The following NFAT5 variants were observed in gnomAD, a reference collection of about 807,000 sequenced individuals.
NFAT5 encodes the protein nuclear factor of activated T cells 5.
NFAT5 carries 31 observed loss-of-function variants against 166.5 expected under a neutral mutation model. That is an observed-to-expected ratio of 0.19 (90% CI 0.14 to 0.25). The LOEUF (loss-of-function observed/expected upper bound fraction) is 0.25. Among genes scored for constraint, NFAT5 ranks in the 10% least tolerant of loss-of-function variants. NFAT5 has a pLI of 1.00. For missense variants in NFAT5, 1,449 were observed against 1,821.8 expected (o/e 0.80, Z 3.72); for synonymous variants, 612 against 639.7 (o/e 0.96, Z 0.65).
Position 69,653,221 on chromosome 16 carries a change from G to T in NFAT5, c.813-15G>T, listed in dbSNP as rs768141249. The T allele has an allele frequency of 1.3e-6, 2 of 1,524,518 alleles. No homozygotes were observed. Among genetic ancestry groups the T allele is most frequent in the Non-Finnish European group, 1.8e-6 (2 of 1,142,100 alleles). 94.4% of individuals were successfully genotyped at this position (1,524,518 alleles called of 1,614,324 possible). A position where few individuals can be genotyped will look rare whatever the true frequency, so the allele number is the denominator to read the frequency against. On this transcript the variant is annotated splice_polypyrimidine_tract_variant and intron_variant, in intron 4 of 14. Coordinates refer to ENST00000349945, the MANE Select transcript of NFAT5 (RefSeq NM_138713.4). ...CTTTTTGATACTTTCTCCATGTTGT[G>T]CTTTGATTTCTCAGAACATTGGAAA...
chr16:69,644,645 G>A (rs2035358301), intron 3 of NFAT5, among the ~76,000 whole-genome samples: 1 of 152,144 alleles, frequency 6.6e-6, no homozygotes, highest in African/African-American at 2.4e-5. Flanking sequence ...AATCATTACG[G>A]TTTTGATATT....
intron 2 of NFAT5, among the ~76,000 whole-genome samples, chr16:69,626,112 T>TAA (rs746935061): frequency 2.3e-5 from 3 of 128,860 alleles, no homozygotes; most frequent in African/African-American, 2.8e-5. Flanking sequence ...CCTGGCTGAT[T>TAA]AAAAAAAAAA....
chr16:69,597,224 A>G (rs2032847924), intron 2 of NFAT5, among the ~76,000 whole-genome samples: 1 of 152,174 alleles, frequency 6.6e-6, no homozygotes, highest in Admixed American at 6.5e-5. Flanking sequence ...GTAGCTATGA[A>G]AGATTCGGTA....
chr16:69,667,184 AG>A (rs2036423383), intron 7 of NFAT5, among the ~76,000 whole-genome samples: 1 of 60,088 alleles, frequency 1.7e-5, no homozygotes, highest in African/African-American at 6.9e-5. Context: ...GGGTGGGGGG[AG>A]GGGGGAGGGA....
At chr16:69,644,818 T>C in intron 3 of NFAT5, 2 of 455,246 alleles carry the variant, frequency 4.4e-6, no homozygotes, top group South Asian at 3.1e-5. Context: ...ATGTTCATAC[T>C]CTGCATTCTC....
chr16:69,672,554 T>A (rs2036665912), intron 9 of NFAT5, among the ~76,000 whole-genome samples: 1 of 152,238 alleles, frequency 6.6e-6, no homozygotes, highest in Admixed American at 6.5e-5. Context: ...TCTGTGTTCC[T>A]TGTAATACCA....
intron 3 of NFAT5, chr16:69,632,445 T>C (rs372399675): frequency 6.6e-6 from 1 of 152,298 alleles, no homozygotes; most frequent in African/African-American, 2.4e-5. Context: ...CGCAAGATCC[T>C]TAACTAGGCA....
chr16:69,635,031 T>G lies in NFAT5; in HGVS notation c.253+8503T>G, dbSNP rs928695478. ...CCTCCTTTGTTAGTAAAGTTTTTTT[T>G]TTTTTTTTTTTTTTTGTCATCCAGG... On this transcript the variant is annotated intron_variant, in intron 3 of 14. Transcript: ENST00000349945. Among the ~76,000 whole-genome samples, 19 of 147,432 alleles carry G rather than the reference T, an allele frequency of 1.3e-4. No homozygotes were observed. In the South Asian group the frequency reaches 2.0e-3, roughly 15 times the overall value.
At chr16:69,648,070 G>T (rs2035516684) in intron 4 of NFAT5, 1 of 239,192 alleles carries the variant, frequency 4.2e-6, no homozygotes, top group Non-Finnish European at 6.8e-6. Context: ...AGCTACTTGG[G>T]AGAACTGAGG....
At chr16:69,644,284 C>T (rs900943209) in intron 3 of NFAT5, among the ~76,000 whole-genome samples, 1 of 112,450 alleles carries the variant, frequency 8.9e-6, no homozygotes, top group African/African-American at 3.4e-5. Flanking sequence ...GACCCTGCCT[C>T]AAAAAAAAAA....
chr16:69,571,129 TA>T (rs56221116), intron 2 of NFAT5, among the ~76,000 whole-genome samples: 141 of 31,366 alleles, frequency 4.5e-3, no homozygotes, highest in African/African-American at 9.2e-3. Context: ...CCATCTCTAC[TA>T]AAAAAAAAAA....
chr16:69,664,463 T>C (rs2036277712), intron 7 of NFAT5, among the ~76,000 whole-genome samples: 1 of 152,044 alleles, frequency 6.6e-6, no homozygotes. Context: ...TTTTGGTATT[T>C]TTTAGTAGAG....
chr16:69,686,455 C>G lies in NFAT5; in HGVS notation c.1774+1485C>G, dbSNP rs1597554998. On this transcript the variant is annotated intron_variant, in intron 11 of 14. Transcript: ENST00000349945. ...GGAGGATTGCTTGATCTGAAGAGGT[C>G]GAAGGTGCATTGAGCTGTGATCGTA... Among the ~76,000 whole-genome samples, 2 of 151,872 alleles carry G rather than the reference C, an allele frequency of 1.3e-5. 1 individual carries two copies. The highest frequency in any genetic ancestry group is 1.3e-4 in the Admixed American group (2 of 15,244).
chr16:69,593,281 G>A (rs1010735672), intron 2 of NFAT5, among the ~76,000 whole-genome samples: 4 of 152,232 alleles, frequency 2.6e-5, no homozygotes, highest in South Asian at 2.1e-4. Flanking sequence ...ATGAAGTGGT[G>A]TCTGCCAAAT....
In NFAT5 at chr16:69,693,085, C is replaced by G. The variant is rs747403447; in HGVS notation, c.3260C>G (p.Ala1087Gly). Residue 1087 changes from alanine (A) to glycine (G), a missense_variant, in exon 13 of 15, where the codon GCC (alanine) becomes GGC (glycine). Physicochemically the swap from Ala to Gly is moderately conservative, Grantham distance 60 (BLOSUM62 0). Around this residue, in one of 7 missense-constraint regions of NFAT5, gnomAD observed 891 missense variants for 993.0 expected, o/e 0.90. Coordinates refer to ENST00000349945, the MANE Select transcript of NFAT5 (RefSeq NM_138713.4). ...NFLQQSSHSQ[A>G]QLFHPQNPIA... ...TTGCAGCAGTCTTCTCATTCACAGG[C>G]CCAACTTTTTCATCCTCAAAATCCT... 1.1e-5 allele frequency: 17 copies of G among 1,613,934 alleles called. No individual in the cohort carries two copies. In the South Asian group the frequency reaches 1.6e-4, roughly 16 times the overall value.
intron 2 of NFAT5, among the ~76,000 whole-genome samples, chr16:69,580,524 T>TAA (rs201610452): frequency 3.3e-4 from 45 of 136,610 alleles, no homozygotes; most frequent in South Asian, 9.1e-4. Context: ...AGAGCGAAAC[T>TAA]AAAAAAAAAA....
chr16:69,682,348 A>G (rs1394567056), intron 10 of NFAT5, among the ~76,000 whole-genome samples: 5 of 148,134 alleles, frequency 3.4e-5, no homozygotes, highest in African/African-American at 1.3e-4. Context: ...TGGCTCACAT[A>G]TGTGGTCCTG....
chr16:69,686,621 T>A (rs984545582), intron 11 of NFAT5, among the ~76,000 whole-genome samples: 9 of 152,192 alleles, frequency 5.9e-5, no homozygotes, highest in African/African-American at 2.2e-4. Context: ...TCCAGCACTT[T>A]GTGGGGCTGA....
intron 5 of NFAT5, among the ~76,000 whole-genome samples, chr16:69,654,989 A>G (rs1445546076): frequency 6.6e-6 from 1 of 152,250 alleles, no homozygotes; most frequent in Non-Finnish European, 1.5e-5. Flanking sequence ...TTTTCAGCAT[A>G]CAAATTATAA....
Sources: gnomAD v4.1 joint callset for allele counts (sites outside exome capture counted in the v4.1 genomes callset) on GRCh38, gnomAD v4.1.1 for gene constraint, gnomAD v4.1.1 regional missense constraint, MANE v1.5 for transcripts, NCBI Gene and HGNC (gene_info 2026-07-23, HGNC 2026-07-21) for gene names.